Variants in CSMD1 observed in about 807,000 individuals in gnomAD.
CSMD1 encodes CUB and Sushi multiple domains 1, also known as CUB and sushi domain-containing protein 1.
In CSMD1, 213 loss-of-function variants were observed where a neutral mutation model predicts 417.5. The ratio of observed to expected loss-of-function variants is 0.51; its 90% CI spans 0.46 to 0.57. The LOEUF (loss-of-function observed/expected upper bound fraction) is 0.57. Among genes scored for constraint, CSMD1 ranks in the 20% least tolerant of loss-of-function variants. The probability of loss-of-function intolerance (pLI) is 0.00; values close to 1 mark genes in which losing one functional copy is unlikely to be tolerated. For missense variants in CSMD1, 6,923 were observed against 4,529.7 expected, an observed-to-expected ratio of 1.53 and a Z score of -15.17; for synonymous variants, 2,862 against 1,736.8, an observed-to-expected ratio of 1.65 and a Z score of -16.11.
At chr8:4,582,426 T>C (rs954853576) in intron 2 of CSMD1, among the ~76,000 whole-genome samples, 1 of 152,076 alleles carries the variant, frequency 6.6e-6, no homozygotes, top group African/African-American at 2.4e-5. Context: ...GGAGCCAGAA[T>C]AACGGAGAGA....
chr8:3,871,651 T>C (rs531133948), intron 5 of CSMD1, among the ~76,000 whole-genome samples: 11 of 152,206 alleles, frequency 7.2e-5, no homozygotes, highest in Non-Finnish European at 1.6e-4. Context: ...ACCATTAGTC[T>C]CAACCTTTAA....
intron 5 of CSMD1, among the ~76,000 whole-genome samples, chr8:3,955,655 C>A (rs571977783): frequency 6.6e-6 from 1 of 152,124 alleles, no homozygotes; most frequent in South Asian, 2.1e-4. Flanking sequence ...CCTCTTTCAC[C>A]GATTCTAAAA....
chr8:4,848,380 G>C (rs1337092826), intron 1 of CSMD1, among the ~76,000 whole-genome samples: 2 of 152,188 alleles, frequency 1.3e-5, no homozygotes, highest in South Asian at 2.1e-4. Flanking sequence ...TAAGATTATA[G>C]TGGAGCTGAA....
intron 1 of CSMD1, among the ~76,000 whole-genome samples, chr8:4,749,188 T>C (rs552149080): frequency 6.6e-5 from 10 of 152,380 alleles, no homozygotes; most frequent in Admixed American, 2.0e-4. Flanking sequence ...TTGATATGGA[T>C]TAGAATATTC....
intron 2 of CSMD1, among the ~76,000 whole-genome samples, chr8:4,582,512 A>C (rs1419915799): frequency 6.6e-6 from 1 of 152,170 alleles, no homozygotes; most frequent in Non-Finnish European, 1.5e-5. Context: ...GGAGAAACTA[A>C]GTCCTGTAGT....
intron 3 of CSMD1, among the ~76,000 whole-genome samples, chr8:4,321,096 T>G (rs1159046408): frequency 6.6e-6 from 1 of 152,166 alleles, no homozygotes; most frequent in Non-Finnish European, 1.5e-5. Context: ...ATATTGAGTT[T>G]TTGTCTAGAC....
chr8:3,597,854 G>C (rs996871976), intron 8 of CSMD1, among the ~76,000 whole-genome samples: 2 of 152,106 alleles, frequency 1.3e-5, no homozygotes, highest in African/African-American at 4.8e-5. Flanking sequence ...GGGACTAGGG[G>C]AGGGATAGCA....
chr8:3,879,535 G>A (rs1018364435), intron 5 of CSMD1, among the ~76,000 whole-genome samples: 1 of 152,072 alleles, frequency 6.6e-6, no homozygotes, highest in African/African-American at 2.4e-5. Context: ...CTCCTCCCCC[G>A]CTACAGTCTA....
intron 10 of CSMD1, among the ~76,000 whole-genome samples, chr8:3,558,292 T>C (rs962036893): frequency 1.1e-4 from 16 of 149,734 alleles, no homozygotes; most frequent in African/African-American, 3.7e-4. Flanking sequence ...GGTGCCTCAA[T>C]GGAACTCCGT....
chr8:3,197,203 G>A (rs1421967303), intron 33 of CSMD1, among the ~76,000 whole-genome samples: 2 of 152,120 alleles, frequency 1.3e-5, no homozygotes, highest in Non-Finnish European at 2.9e-5. Flanking sequence ...GGAAGCAGAA[G>A]GCTAGAGACC....
At chr8:3,740,920 A>T (rs1395363301) in intron 6 of CSMD1, among the ~76,000 whole-genome samples, 1 of 152,004 alleles carries the variant, frequency 6.6e-6, no homozygotes, top group South Asian at 2.1e-4. Flanking sequence ...CTGGGATCAG[A>T]AGAAGATAGA....
intron 11 of CSMD1, among the ~76,000 whole-genome samples, chr8:3,474,241 T>A (rs2117211880): frequency 6.6e-6 from 1 of 152,190 alleles, no homozygotes; most frequent in South Asian, 2.1e-4. Context: ...AAGGAATGAA[T>A]GAATGAATAT....
intron 26 of CSMD1, among the ~76,000 whole-genome samples, chr8:3,249,613 T>C (rs181642690): frequency 1.6e-4 from 24 of 150,284 alleles, no homozygotes; most frequent in African/African-American, 5.3e-4. Context: ...CACACACACA[T>C]ATATACATAT....
rs564957026 is a variant in CSMD1 at position 3,829,406 on chromosome 8, C to T, written c.819-75364G>A. ...AGAAGTTTCAGGTTTCAACCTACAACAGTCAGAATGAGATAAGTCAATACC... is the reference window on the plus strand; with the variant it reads ...AGAAGTTTCAGGTTTCAACCTACAATAGTCAGAATGAGATAAGTCAATACC... On this transcript the variant is annotated intron_variant, in intron 5 of 69. Transcript: ENST00000635120. Among the ~76,000 whole-genome samples, 25 of 152,276 alleles carry T rather than the reference C, an allele frequency of 1.6e-4. No homozygotes were observed. In the South Asian group the frequency reaches 4.8e-3, roughly 29 times the overall value.
chr8:3,724,144 A>G, intron 6 of CSMD1, among the ~76,000 whole-genome samples: 1 of 149,660 alleles, frequency 6.7e-6, no homozygotes, highest in South Asian at 2.1e-4. Flanking sequence ...TCACCATGCC[A>G]GACGTTAAAA....
rs1385528780 is a variant in CSMD1 at position 3,898,917 on chromosome 8, T to G, written c.818+98986A>C. 2.0e-5 allele frequency among the ~76,000 whole-genome samples: 3 copies of G among 152,188 alleles called. No individual in the cohort carries two copies. The East Asian group carries it at 5.8e-4, about 29-fold the overall frequency. On this transcript the variant is annotated intron_variant, in intron 5 of 69. Transcript: ENST00000635120. ...CAGTCATTTTAAACTGTAGTGACTCTATTCAAGAACCTCTGCCCTCAAAAA... is the reference window on the plus strand; with the variant it reads ...CAGTCATTTTAAACTGTAGTGACTCGATTCAAGAACCTCTGCCCTCAAAAA...
At chr8:4,585,069 G>A (rs1340590806) in intron 2 of CSMD1, among the ~76,000 whole-genome samples, 2 of 148,146 alleles carry the variant, frequency 1.4e-5, no homozygotes, top group Non-Finnish European at 3.0e-5. Flanking sequence ...CAGCATACCA[G>A]GAGAAAAGAC....
intron 2 of CSMD1, among the ~76,000 whole-genome samples, chr8:4,442,360 C>T (rs182507753): frequency 9.2e-5 from 14 of 152,264 alleles, no homozygotes; most frequent in Admixed American, 1.3e-4. Flanking sequence ...CATTCCCACA[C>T]GTTTGCCTAG....
chr8:4,841,186 A>G (rs1800817196), intron 1 of CSMD1, among the ~76,000 whole-genome samples: 1 of 152,248 alleles, frequency 6.6e-6, no homozygotes, highest in Admixed American at 6.5e-5. Flanking sequence ...TCCTTGCAAA[A>G]GCAAATATTA....
Sources: allele counts gnomAD v4.1 joint callset (sites outside exome capture counted in the v4.1 genomes callset), GRCh38; gene constraint gnomAD v4.1.1; transcripts MANE v1.5; gene names NCBI Gene and HGNC (gene_info 2026-07-23, HGNC 2026-07-21).